Variants in CLPB observed in about 807,000 individuals in gnomAD.
The protein encoded by CLPB is ClpB family mitochondrial disaggregase.
A neutral mutation model predicts 78.4 loss-of-function variants in CLPB; 40 were observed. That is an observed-to-expected ratio of 0.51 (90% confidence interval 0.40 to 0.66). The LOEUF is 0.66. Among genes scored for constraint, CLPB ranks in the 30% least tolerant of loss-of-function variants. The pLI, the probability that CLPB is intolerant of heterozygous loss-of-function variation, is 0.00. For missense variants in CLPB, 780 were observed against 886.9 expected (o/e 0.88, Z 1.53); for synonymous variants, 333 against 348.0 (o/e 0.96, Z 0.48).
intron 5 of CLPB, among the ~76,000 whole-genome samples, chr11:72,356,651 G>A (rs1327760646): frequency 6.6e-6 from 1 of 152,222 alleles, no homozygotes; most frequent in Non-Finnish European, 1.5e-5. Flanking sequence ...TAAAGGTGGG[G>A]GCTAAGGGCA....
chr11:72,311,253 C>T (rs1455316492), intron 7 of CLPB, among the ~76,000 whole-genome samples: 1 of 152,014 alleles, frequency 6.6e-6, no homozygotes, highest in Non-Finnish European at 1.5e-5. Context: ...TTGAGGATCC[C>T]GTCAGGCCAG....
At chr11:72,427,136 T>A (rs1856406974) in intron 2 of CLPB, among the ~76,000 whole-genome samples, 1 of 152,190 alleles carries the variant, frequency 6.6e-6, no homozygotes, top group South Asian at 2.1e-4. Context: ...CCAGGGCCCA[T>A]GGACTGAAGA....
intron 9 of CLPB, chr11:72,302,854 C>G (rs1949683671): frequency 6.4e-6 from 1 of 155,768 alleles, no homozygotes; most frequent in African/African-American, 2.4e-5. Context: ...CCTCTCAACT[C>G]TGCAAGTCTG....
intron 2 of CLPB, among the ~76,000 whole-genome samples, chr11:72,419,212 C>T (rs112208927): frequency 3.9e-5 from 6 of 152,264 alleles, no homozygotes; most frequent in African/African-American, 9.6e-5. Context: ...TTGGTTCTGG[C>T]GGTGCTGACA....
chr11:72,342,800 C>G (rs149996904), intron 5 of CLPB, among the ~76,000 whole-genome samples: 36 of 152,370 alleles, frequency 2.4e-4, no homozygotes, highest in Middle Eastern at 6.8e-3. Context: ...GGCACAGCCA[C>G]AGTCTCCGTA....
intron 3 of CLPB, among the ~76,000 whole-genome samples, chr11:72,389,875 T>C (rs899114676): frequency 3.3e-4 from 50 of 152,198 alleles, no homozygotes; most frequent in African/African-American, 1.2e-3. Context: ...GTTGTGCCAC[T>C]GCACTCTAGC....
At chr11:72,339,393 T>G (rs1039372275) in intron 5 of CLPB, among the ~76,000 whole-genome samples, 7 of 152,184 alleles carry the variant, frequency 4.6e-5, no homozygotes. Flanking sequence ...AAATTGGGAT[T>G]AGATTCATTC....
intron 6 of CLPB, among the ~76,000 whole-genome samples, chr11:72,319,535 G>T (rs1007335142): frequency 6.6e-6 from 1 of 152,138 alleles, no homozygotes; most frequent in South Asian, 2.1e-4. Flanking sequence ...AATATGCTTT[G>T]CTCCAGACAG....
At chr11:72,293,824 G>A (rs1201181637) in intron 15 of CLPB, among the ~76,000 whole-genome samples, 198 bp downstream of exon 15, 1 of 152,198 alleles carries the variant, frequency 6.6e-6, no homozygotes, top group Non-Finnish European at 1.5e-5. Context: ...GTCCTAGTGG[G>A]GTTCATACTG....
At chr11:72,336,547 C>G (rs1233490623) in intron 5 of CLPB, 1 of 152,198 alleles carries the variant, frequency 6.6e-6, no homozygotes, top group Non-Finnish European at 1.5e-5. Context: ...TTAACAAGTT[C>G]AAAAATGATT....
At chr11:72,374,273 C>T (rs1210809642) in intron 4 of CLPB, among the ~76,000 whole-genome samples, 2 of 152,200 alleles carry the variant, frequency 1.3e-5, no homozygotes, top group Non-Finnish European at 2.9e-5. Flanking sequence ...ATCATCCTAA[C>T]AACCCTATAA....
chr11:72,303,015 G>A (rs1949687292), intron 9 of CLPB: 1 of 152,420 alleles, frequency 6.6e-6, no homozygotes, highest in Admixed American at 6.5e-5. Flanking sequence ...TGATTTCCGA[G>A]GAAGTGGCCC....
At chr11:72,364,966 T>C (rs752200355) in intron 4 of CLPB, among the ~76,000 whole-genome samples, 4 of 152,148 alleles carry the variant, frequency 2.6e-5, no homozygotes, top group Admixed American at 6.5e-5. Context: ...GACATACAAA[T>C]GGCCAAAGAG....
chr11:72,357,494 C>T (rs562201761), intron 5 of CLPB, among the ~76,000 whole-genome samples: 1 of 151,808 alleles, frequency 6.6e-6, no homozygotes, highest in South Asian at 2.1e-4. Context: ...GTTGAGAGTT[C>T]GAGACCAGCC....
chr11:72,420,059 C>A (rs1327433279), intron 2 of CLPB, among the ~76,000 whole-genome samples: 1 of 152,180 alleles, frequency 6.6e-6, no homozygotes, highest in Non-Finnish European at 1.5e-5. Flanking sequence ...TTACAAAACA[C>A]TTTTAGCCAG....
intron 15 of CLPB, 34 bp from the exon 16 acceptor site, chr11:72,293,649 G>C: frequency 2.5e-6 from 4 of 1,588,464 alleles, no homozygotes; most frequent in Non-Finnish European, 3.4e-6. Flanking sequence ...TCACTCCCTC[G>C]GCCTGGACCC....
At chr11:72,307,169 T>C (rs1417255986) in intron 9 of CLPB, 30 bp downstream of exon 9, 1 of 1,606,996 alleles carries the variant, frequency 6.2e-7, no homozygotes, top group Non-Finnish European at 8.5e-7. Flanking sequence ...CTCCACGATC[T>C]GCAGATCAGA....
chr11:72,339,037 G>T (rs1332388976), intron 5 of CLPB, among the ~76,000 whole-genome samples: 1 of 152,194 alleles, frequency 6.6e-6, no homozygotes, highest in Non-Finnish European at 1.5e-5. Context: ...TGGATCAGAG[G>T]TCTGGAAGGA....
At chr11:72,326,232 A>T (rs1216280807) in intron 6 of CLPB, among the ~76,000 whole-genome samples, 1 of 152,166 alleles carries the variant, frequency 6.6e-6, no homozygotes, top group African/African-American at 2.4e-5. Flanking sequence ...ATGTCTTGGT[A>T]GGAGGGCTAG....
Sources: gnomAD v4.1 joint callset for allele counts (sites outside exome capture counted in the v4.1 genomes callset) on GRCh38, gnomAD v4.1.1 for gene constraint, MANE v1.5 for transcripts, NCBI Gene and HGNC (gene_info 2026-07-23, HGNC 2026-07-21) for gene names.